The following WDR11 variants were observed in gnomAD, a reference collection of about 807,000 sequenced individuals.
WDR11 encodes WD repeat domain 11, also known as WD repeat-containing protein 11.
Under a neutral mutation model 151.2 loss-of-function variants are expected in WDR11, and 83 were observed. The ratio of observed to expected loss-of-function variants is 0.55; its 90% CI spans 0.46 to 0.66. The LOEUF is 0.66. Among genes scored for constraint, WDR11 ranks in the 30% least tolerant of loss-of-function variants. WDR11 has a pLI of 0.00. For missense variants in WDR11, 1,301 were observed against 1,480.9 expected, an observed-to-expected ratio of 0.88 and a Z score of 1.99; for synonymous variants, 484 against 533.1, an observed-to-expected ratio of 0.91 and a Z score of 1.27.
At chr10:120,892,567 G>A (rs916200423) in intron 19 of WDR11, among the ~76,000 whole-genome samples, 2 of 152,208 alleles carry the variant, frequency 1.3e-5, no homozygotes. Context: ...TTTCTATTCT[G>A]AGGAATTAGA....
intron 9 of WDR11, among the ~76,000 whole-genome samples, chr10:120,870,127 A>G (rs1846483415): frequency 6.6e-6 from 1 of 152,158 alleles, no homozygotes; most frequent in African/African-American, 2.4e-5. Context: ...AGAGATTGAT[A>G]TTGAGTATGT....
At chr10:120,905,733 T>C (rs1848013082) in intron 26 of WDR11, 143 bp from the exon 27 acceptor site, 12 of 1,412,184 alleles carry the variant, frequency 8.5e-6, no homozygotes, top group Non-Finnish European at 1.1e-5. Flanking sequence ...TTATTCAGAG[T>C]ATGCAGCAGC....
At chr10:120,852,459 C>A in intron 1 of WDR11, 65 bp from the exon 2 acceptor site, 3 of 1,364,538 alleles carry the variant, frequency 2.2e-6, no homozygotes, top group East Asian at 4.7e-5. Context: ...TTTATTTAGG[C>A]TTGGCAAGAA....
chr10:120,897,833 T>G (rs1040668467), intron 19 of WDR11, among the ~76,000 whole-genome samples: 2 of 152,242 alleles, frequency 1.3e-5, no homozygotes, highest in South Asian at 4.1e-4. Flanking sequence ...AAGGGACTTT[T>G]GAATTTGGAC....
chr10:120,859,958 C>G, intron 3 of WDR11, 151 bp from the exon 4 acceptor site: 1 of 249,714 alleles, frequency 4.0e-6, no homozygotes, highest in Non-Finnish European at 6.6e-6. Context: ...TATTGATACA[C>G]ACACACACAC....
At chr10:120,899,581 G>C (rs1847737464) in intron 19 of WDR11, among the ~76,000 whole-genome samples, 1 of 151,992 alleles carries the variant, frequency 6.6e-6, no homozygotes, top group African/African-American at 2.4e-5. Context: ...TCAGGAGTTT[G>C]AGACCAGTCT....
intron 28 of WDR11, 74 bp downstream of exon 28, chr10:120,906,929 G>C (rs1848076814): frequency 6.3e-7 from 1 of 1,594,320 alleles, no homozygotes; most frequent in Non-Finnish European, 8.6e-7. Context: ...TCCCTTAGTT[G>C]TGCTGCCTGG....
At chr10:120,891,985 A>T (rs979000608) in intron 19 of WDR11, among the ~76,000 whole-genome samples, 1 of 152,186 alleles carries the variant, frequency 6.6e-6, no homozygotes, top group African/African-American at 2.4e-5. Context: ...AGGAAAGGGC[A>T]AGCATTGGTA....
chr10:120,878,536 C>T, intron 12 of WDR11, 77 bp downstream of exon 12: 1 of 1,168,768 alleles, frequency 8.6e-7, no homozygotes, highest in Non-Finnish European at 1.3e-6. Flanking sequence ...TTTGAAAGTA[C>T]TTCTTTCACC....
intron 9 of WDR11, among the ~76,000 whole-genome samples, chr10:120,869,206 G>T (rs559364417): frequency 1.3e-5 from 2 of 149,766 alleles, no homozygotes; most frequent in East Asian, 3.9e-4. Flanking sequence ...CGCCTCCCGG[G>T]TTCACGCCAT....
chr10:120,878,702 A>C (rs1846891348), intron 12 of WDR11, among the ~76,000 whole-genome samples: 2 of 152,186 alleles, frequency 1.3e-5, no homozygotes. Flanking sequence ...AGATTCATTA[A>C]AAAATAGGAT....
intron 2 of WDR11, among the ~76,000 whole-genome samples, chr10:120,854,371 G>A (rs1305250396): frequency 6.6e-6 from 1 of 152,192 alleles, no homozygotes; most frequent in Non-Finnish European, 1.5e-5. Flanking sequence ...TGTTACTGAT[G>A]AATAATATTC....
Position 120,908,679 on chromosome 10 carries a change from T to TTGAG in WDR11, c.3643_3646dup (p.Ser1216Ter). On this transcript the variant is annotated frameshift_variant, in exon 29 of 29. Coordinates refer to ENST00000263461, the MANE Select transcript of WDR11 (RefSeq NM_018117.12). LOFTEE classifies it high-confidence loss of function. ...GCTGGCAAAGACTTATTGAATGAGC[T>TTGAG]TGAGTCCCCCAAGGAAGAACCCATT... 1 of 1,614,208 alleles carries TTGAG rather than the reference T, an allele frequency of 6.2e-7. No individual in the cohort carries two copies. Among genetic ancestry groups the TTGAG allele is most frequent in the Non-Finnish European group, 8.5e-7 (1 of 1,180,032 alleles).
chr10:120,903,076 G>A lies in WDR11; in HGVS notation c.2775G>A (p.Glu925=). Residue 925 remains glutamate (E), a synonymous_variant, in exon 23 of 29, where the codon GAG becomes GAA. Transcript: ENST00000263461. ...CCAGGCTCTATGGTGATGAATCGGA[G>A]CTGCACTTCTGGACTGTCGCTGCCC... The part of the protein sequence containing the change: ...LVSRLYGDES[E]LHFWTVAAHY... The A allele has an allele frequency of 6.2e-7, 1 of 1,614,082 alleles. No individual in the cohort carries two copies.
intron 11 of WDR11, among the ~76,000 whole-genome samples, chr10:120,876,195 G>C (rs1053298480): frequency 9.2e-5 from 14 of 151,550 alleles, no homozygotes; most frequent in African/African-American, 2.7e-4. Context: ...GGTCAGGCCG[G>C]TCTTGAATTC....
intron 13 of WDR11, among the ~76,000 whole-genome samples, chr10:120,882,166 T>C (rs998862148): frequency 3.9e-5 from 6 of 152,110 alleles, no homozygotes; most frequent in African/African-American, 1.4e-4. Context: ...GTGAATTACA[T>C]TGATTGATTT....
chr10:120,880,548 A>C (rs909198310), intron 12 of WDR11: 2 of 373,680 alleles, frequency 5.4e-6, no homozygotes, highest in Non-Finnish European at 1.0e-5. Flanking sequence ...AATCCCAGCT[A>C]CTCGGGATGC....
chr10:120,859,381 C>T (rs530343310), intron 3 of WDR11, among the ~76,000 whole-genome samples: 2 of 151,618 alleles, frequency 1.3e-5, no homozygotes, highest in African/African-American at 4.8e-5. Flanking sequence ...CATTCTCCTG[C>T]CTCAGCCTCC....
In WDR11 at chr10:120,889,238, T is replaced by TTTTTG. The variant is rs71019800; in HGVS notation, c.2228+67_2228+71dup. The TTTTTG allele has an allele frequency of 7.7e-4, 977 of 1,267,298 alleles. 6 individuals are homozygous for TTTTTG. The African/African-American group carries it at 0.013, about 16-fold the overall frequency. The allele number at this position is 1,267,298 out of a possible 1,614,324, so 78.5% of individuals were successfully genotyped here. ...TTCATTAAAAAAAAGAAATGAAATC[T>TTTTTG]TTTTGTTTTGTTTTGTTGAGATGGT... On this transcript the variant is annotated intron_variant, in intron 17 of 28. Transcript: ENST00000263461.
Sources: allele counts gnomAD v4.1 joint callset (sites outside exome capture counted in the v4.1 genomes callset), GRCh38; gene constraint gnomAD v4.1.1; transcripts MANE v1.5; gene names NCBI Gene and HGNC (gene_info 2026-07-23, HGNC 2026-07-21).